IL1RAPL1: variants seen among roughly 807,000 people sequenced by gnomAD.
IL1RAPL1 encodes interleukin-1 receptor accessory protein-like 1.
A neutral mutation model predicts 48.4 loss-of-function variants in IL1RAPL1; 3 were observed. The observed-to-expected ratio is 0.06, with a 90% CI of 0.03 to 0.16. The LOEUF (loss-of-function observed/expected upper bound fraction) is 0.16. Among genes scored for constraint, IL1RAPL1 ranks in the 10% least tolerant of loss-of-function variants. IL1RAPL1 has a pLI of 1.00. For missense variants in IL1RAPL1, 349 were observed against 530.6 expected, an observed-to-expected ratio of 0.66 and a Z score of 3.36; for synonymous variants, 185 against 187.7, an observed-to-expected ratio of 0.99 and a Z score of 0.12.
At chrX:29,540,781 C>A (rs1239467365) in intron 5 of IL1RAPL1, among the ~76,000 whole-genome samples, 3 of 111,678 alleles carry the variant, frequency 2.7e-5, no homozygotes, top group Non-Finnish European at 5.6e-5. Flanking sequence ...AAAATTAACT[C>A]AAAATGGGCA....
Position 28,696,135 on chromosome X carries a change from T to A in IL1RAPL1, c.-24-93185T>A, listed in dbSNP as rs193007849. Among the ~76,000 whole-genome samples the A allele has an allele frequency of 1.6e-3, 176 of 111,429 alleles. 1 individual carries two copies. The highest frequency in any genetic ancestry group is 5.4e-3 in the African/African-American group (167 of 30,781). On this transcript the variant is annotated intron_variant, in intron 1 of 10. Coordinates refer to ENST00000378993, the MANE Select transcript of IL1RAPL1 (RefSeq NM_014271.4). ...ATACATAAATATATAACTTGAATCA[T>A]AATATTCTAGTTTTACTTTTCTTGC...
At chrX:29,219,640 T>C (rs1396544859) in intron 2 of IL1RAPL1, among the ~76,000 whole-genome samples, 5 of 111,485 alleles carry the variant, frequency 4.5e-5, no homozygotes, top group Admixed American at 1.9e-4. Flanking sequence ...CCTCCAAATA[T>C]TTCCTCCAAA....
At chrX:29,519,150 A>G (rs966857946) in intron 5 of IL1RAPL1, among the ~76,000 whole-genome samples, 4 of 111,618 alleles carry the variant, frequency 3.6e-5, no homozygotes, top group Admixed American at 9.5e-5. Flanking sequence ...GGTTTTCAGG[A>G]GCATGTCAGA....
At chrX:29,186,653 G>A (rs1482380937) in intron 2 of IL1RAPL1, among the ~76,000 whole-genome samples, 2 of 111,046 alleles carry the variant, frequency 1.8e-5, no homozygotes, top group Non-Finnish European at 3.8e-5. Flanking sequence ...TAGGACTGGA[G>A]TGTCATATCT....
chrX:29,007,514 C>T (rs1294068137), intron 2 of IL1RAPL1, among the ~76,000 whole-genome samples: 1 of 111,520 alleles, frequency 9.0e-6, no homozygotes, highest in Non-Finnish European at 1.9e-5. Flanking sequence ...ACCCTTTCCC[C>T]AAAAAAGTAA....
intron 8 of IL1RAPL1, among the ~76,000 whole-genome samples, chrX:29,926,011 G>C (rs1601886781): frequency 4.7e-5 from 5 of 107,471 alleles, no homozygotes. Flanking sequence ...TGTTTTGAAG[G>C]CTTTTTTTTT....
At chrX:29,333,421 C>A (rs1932914327) in intron 3 of IL1RAPL1, among the ~76,000 whole-genome samples, 3 of 99,383 alleles carry the variant, frequency 3.0e-5, no homozygotes, top group South Asian at 4.5e-4. Flanking sequence ...CCCCCCACCT[C>A]CCTCCCGGAC....
In IL1RAPL1 at chrX:28,736,293, G is replaced by A. The variant is rs184840274; in HGVS notation, c.-24-53027G>A. Among the ~76,000 whole-genome samples the A allele has an allele frequency of 3.8e-3, 417 of 110,193 alleles. 6 individuals are homozygous for A. Among genetic ancestry groups the A allele is most frequent in the African/African-American group, 0.013 (396 of 30,277 alleles). ...CTAAAAAATACAAAAAATAAGCCAG[G>A]CGTGGTGGCGGGCACCTGTAATCCC... On this transcript the variant is annotated intron_variant, in intron 1 of 10. Coordinates refer to ENST00000378993, the MANE Select transcript of IL1RAPL1 (RefSeq NM_014271.4).
chrX:29,428,975 C>T (rs1934382987), intron 5 of IL1RAPL1, among the ~76,000 whole-genome samples: 1 of 112,005 alleles, frequency 8.9e-6, no homozygotes, highest in Non-Finnish European at 1.9e-5. Flanking sequence ...TATCCAACCA[C>T]ACCATATACA....
intron 6 of IL1RAPL1, among the ~76,000 whole-genome samples, chrX:29,768,213 C>A (rs758383891): frequency 8.9e-6 from 1 of 111,843 alleles, no homozygotes; most frequent in Non-Finnish European, 1.9e-5. Flanking sequence ...GTGATTCTAA[C>A]TTCATGAATC....
intron 2 of IL1RAPL1, among the ~76,000 whole-genome samples, chrX:28,914,048 A>G (rs777728910): frequency 2.8e-4 from 31 of 111,630 alleles, no homozygotes; most frequent in Non-Finnish European, 4.0e-4. Flanking sequence ...AGTAGATACA[A>G]ATAATTAGGG....
chrX:29,533,294 A>G (rs1053828583), intron 5 of IL1RAPL1, among the ~76,000 whole-genome samples: 11 of 111,926 alleles, frequency 9.8e-5, no homozygotes, highest in African/African-American at 3.6e-4. Flanking sequence ...CCGTGGGCAA[A>G]CATTACTCTA....
chrX:29,244,580 T>A (rs918033216), intron 2 of IL1RAPL1, among the ~76,000 whole-genome samples: 2 of 112,188 alleles, frequency 1.8e-5, no homozygotes. Flanking sequence ...GAAGTCAAGG[T>A]TTAACAGTCA....
chrX:29,004,425 A>G (rs2147390311), intron 2 of IL1RAPL1, among the ~76,000 whole-genome samples: 1 of 111,630 alleles, frequency 9.0e-6, no homozygotes, highest in African/African-American at 3.3e-5. Flanking sequence ...GATGAAATGC[A>G]CTCTGTCTCT....
chrX:28,602,495 G>A (rs1223242740), intron 1 of IL1RAPL1, among the ~76,000 whole-genome samples: 2 of 112,404 alleles, frequency 1.8e-5, no homozygotes, highest in Non-Finnish European at 3.7e-5. Flanking sequence ...AGCTATGTAG[G>A]TGGTATGGGA....
chrX:29,899,672 T>C (rs969649291), intron 6 of IL1RAPL1, among the ~76,000 whole-genome samples: 1 of 107,608 alleles, frequency 9.3e-6, no homozygotes, highest in African/African-American at 3.4e-5. Flanking sequence ...GCCTCCCGAG[T>C]TGCTGGGATT....
intron 5 of IL1RAPL1, among the ~76,000 whole-genome samples, chrX:29,566,034 T>C (rs775699786): frequency 3.6e-5 from 4 of 110,180 alleles, no homozygotes; most frequent in South Asian, 7.8e-4. Flanking sequence ...CTGCAAGCTC[T>C]GCCTCCCGGG....
intron 2 of IL1RAPL1, among the ~76,000 whole-genome samples, chrX:28,821,137 A>C (rs1460909175): frequency 8.9e-6 from 1 of 111,914 alleles, no homozygotes; most frequent in Non-Finnish European, 1.9e-5. Context: ...ATTTAGGACA[A>C]ATTGAAACAT....
chrX:28,795,005 C>T (rs1044516428), intron 2 of IL1RAPL1, among the ~76,000 whole-genome samples: 1 of 111,122 alleles, frequency 9.0e-6, no homozygotes, highest in Non-Finnish European at 1.9e-5. Context: ...ACCTAGTCCC[C>T]CAGCATCTGC....
Sources: gnomAD v4.1 joint callset for allele counts (sites outside exome capture counted in the v4.1 genomes callset) on GRCh38, gnomAD v4.1.1 for gene constraint, MANE v1.5 for transcripts, NCBI Gene and HGNC (gene_info 2026-07-23, HGNC 2026-07-21) for gene names.